The following CAPN15 variants were observed in gnomAD, a reference collection of about 807,000 sequenced individuals.
CAPN15 encodes calpain-15.
A neutral mutation model predicts 97.9 loss-of-function variants in CAPN15; 53 were observed. The ratio of observed to expected loss-of-function variants is 0.54; its 90% CI spans 0.43 to 0.68. The LOEUF is 0.68. CAPN15 is among the 30% of genes least tolerant of loss of function. The pLI is 0.00. For missense variants in CAPN15, 1,592 were observed against 1,589.8 expected (o/e 1.00, Z -0.02); for synonymous variants, 922 against 722.5 (o/e 1.28, Z -4.43).
chr16:530,887 C>T (rs2033201216), intron 1 of CAPN15, among the ~76,000 whole-genome samples: 1 of 152,242 alleles, frequency 6.6e-6, no homozygotes, highest in Admixed American at 6.5e-5. Flanking sequence ...CCCCAGAACT[C>T]ATCCAGGGCA....
Position 548,242 on chromosome 16 carries a change from C to A in CAPN15, c.1404C>A (p.Gly468=). 1 of 1,550,396 alleles carries A rather than the reference C, an allele frequency of 6.4e-7. No individual in the cohort carries two copies. Among genetic ancestry groups the A allele is most frequent in the Non-Finnish European group, 8.7e-7 (1 of 1,149,656 alleles). The change falls in exon 4 of 14, where the codon GGC becomes GGA. Residue 468 remains glycine (G), a synonymous_variant. Coordinates refer to ENST00000219611, the MANE Select transcript of CAPN15 (RefSeq NM_005632.3). ...HVEQRRQTDE[G]EAKALWENIV... ...AGCAGCGGCGGCAGACAGACGAGGGCGAGGCCAAGGCACTCTGGGAGAACA... is the reference window on the plus strand; with the variant it reads ...AGCAGCGGCGGCAGACAGACGAGGGAGAGGCCAAGGCACTCTGGGAGAACA...
chr16:547,128 C>A lies in CAPN15; in HGVS notation c.290C>A (p.Pro97His). 4 of 1,564,176 alleles carry A rather than the reference C, an allele frequency of 2.6e-6. No individual in the cohort carries two copies. Among genetic ancestry groups the A allele is most frequent in the South Asian group, 1.2e-5 (1 of 84,484 alleles). The change falls in exon 4 of 14, where the codon CCC becomes CAC. Residue 97 changes from proline (P) to histidine (H), a missense_variant. Physicochemically the swap from Pro to His is moderately conservative, Grantham distance 77 (BLOSUM62 -2). This residue lies in a region of CAPN15 where 883 missense variants were observed against 776.6 expected (regional missense o/e 1.14). Coordinates refer to ENST00000219611, the MANE Select transcript of CAPN15 (RefSeq NM_005632.3). The stretch of plus-strand genomic sequence containing the variant: ...AAGCCACCCGCCATCCTGGGGGAGC[C>A]CAAGGGCAGCTGCCAGGAGGAAGCA... ...LPKPPAILGE[P>H]KGSCQEEAGP... is the part of the protein sequence containing the mutation.
intron 6 of CAPN15, 38 bp downstream of exon 6, chr16:549,509 C>T: frequency 6.5e-7 from 1 of 1,548,172 alleles, no homozygotes; most frequent in Non-Finnish European, 8.7e-7. Flanking sequence ...GCGGCAGGGG[C>T]AGCCTCTGAC....
intron 3 of CAPN15, chr16:540,270 C>G (rs572863085): frequency 2.0e-6 from 2 of 985,492 alleles, no homozygotes; most frequent in Non-Finnish European, 2.4e-6. Flanking sequence ...ACCCGGGTCC[C>G]CCGGCAGCGG....
At position 552,421 on chromosome 16, in the gene CAPN15, C is replaced by T; in HGVS notation, c.2628C>T (p.Val876=). 1 of 1,609,892 alleles carries T rather than the reference C, an allele frequency of 6.2e-7. No individual in the cohort carries two copies. Among genetic ancestry groups the T allele is most frequent in the Non-Finnish European group, 8.5e-7 (1 of 1,179,616 alleles). The change falls in exon 11 of 14, where the codon GTC becomes GTT. Residue 876 remains valine, a synonymous_variant. Transcript: ENST00000219611. This position sits in a 1 kb window ranked among gnomAD's most constrained non-coding sequence, Gnocchi z 6.4. Reference sequence around the variant, plus strand: ...TCCTGGCCCACAGTAAGCGCGCGGTCAAGAAGTTCGTCAGCTGCGACGTCA... The same window carrying T: ...TCCTGGCCCACAGTAAGCGCGCGGTTAAGAAGTTCGTCAGCTGCGACGTCA... ...GRLLAHSKRA[V]KKFVSCDVML...
In CAPN15 at chr16:535,731, C is replaced by T. The variant is rs867783452; in HGVS notation, c.-136-298C>T. On this transcript the variant is annotated intron_variant, in intron 2 of 13. Transcript: ENST00000219611. The surrounding 1 kb of genome is among the most constrained non-coding windows in gnomAD (Gnocchi z 6.2). ...TGAGTCACGGCCACTCTTGAGGCGC[C>T]GCCCTGAGAGTCAGCCCTGTGGTCA... Among the ~76,000 whole-genome samples, 44 of 152,116 alleles carry T rather than the reference C, an allele frequency of 2.9e-4. No individual in the cohort carries two copies. Among genetic ancestry groups the T allele is most frequent in the African/African-American group, 1.1e-3 (44 of 41,424 alleles).
chr16:540,217 G>T, intron 3 of CAPN15: 1 of 985,500 alleles, frequency 1.0e-6, no homozygotes, highest in Non-Finnish European at 1.2e-6. Context: ...CTCCCTGGCC[G>T]CAGAGACCGA....
In CAPN15 at chr16:552,663, G is replaced by A. The variant is rs1174412156; in HGVS notation, c.2796G>A (p.Leu932=). The A allele has an allele frequency of 1.3e-6, 2 of 1,543,116 alleles. No individual in the cohort carries two copies. Among genetic ancestry groups the A allele is most frequent in the East Asian group, 2.4e-5 (1 of 40,844 alleles). The part of the protein sequence containing the change: ...RASPEPPGHV[L]AVYSSRLVMV... ...CCCCAGAGCCGCCGGGCCACGTGCT[G>A]GCTGTGTACAGCTCGAGGCTGGTCA... Residue 932 remains leucine (L), a synonymous_variant, in exon 12 of 14, where the codon CTG becomes CTA. Coordinates refer to ENST00000219611, the MANE Select transcript of CAPN15 (RefSeq NM_005632.3). This position sits in a 1 kb window ranked among gnomAD's most constrained non-coding sequence, Gnocchi z 6.4.
Position 552,680 on chromosome 16 carries a change from G to C in CAPN15, c.2813G>C (p.Arg938Thr). 6.5e-7 allele frequency: 1 copy of C among 1,544,382 alleles called. No homozygotes were observed. Among genetic ancestry groups the C allele is most frequent in the Non-Finnish European group, 8.7e-7 (1 of 1,146,152 alleles). Residue 938 changes from arginine to threonine, a missense_variant, in exon 12 of 14, where the codon AGG (arginine) becomes ACG (threonine). Arg to Thr is a moderately conservative substitution (Grantham distance 71). Transcript: ENST00000219611. This position sits in a 1 kb window ranked among gnomAD's most constrained non-coding sequence, Gnocchi z 6.4. ...PGHVLAVYSSRLVMVEPVEAQ... is the reference protein window; with the variant it reads ...PGHVLAVYSSTLVMVEPVEAQ... The stretch of plus-strand genomic sequence containing the variant: ...CACGTGCTGGCTGTGTACAGCTCGA[G>C]GCTGGTCATGGTGGAGCCCGTGGAA...
At chr16:543,017 C>G (rs982602537) in intron 3 of CAPN15, among the ~76,000 whole-genome samples, 1 of 152,226 alleles carries the variant, frequency 6.6e-6, no homozygotes, top group Admixed American at 6.5e-5. Context: ...CACCACTGCA[C>G]TCCAGTGTGG....
chr16:552,752 G>C lies in CAPN15; in HGVS notation c.2885G>C (p.Ser962Thr). Residue 962 changes from serine to threonine, a missense_variant, in exon 12 of 14, where the codon AGC (serine) becomes ACC (threonine). Coordinates refer to ENST00000219611, the MANE Select transcript of CAPN15 (RefSeq NM_005632.3). The surrounding 1 kb of genome is among the most constrained non-coding windows in gnomAD (Gnocchi z 6.4). ...GACGCCATCATCCTGCTCACCGAGA[G>C]CCGCGGAGAGCGGCACGAGGTGGGT... Reference protein sequence around the residue: ...LADAIILLTESRGERHEGREG... With the variant: ...LADAIILLTETRGERHEGREG... 6.5e-7 allele frequency: 1 copy of C among 1,538,860 alleles called. No homozygotes were observed. Among genetic ancestry groups the C allele is most frequent in the East Asian group, 2.5e-5 (1 of 40,710 alleles).
chr16:552,603 A>C lies in CAPN15; in HGVS notation c.2738-2A>C. On this transcript the variant is annotated splice_acceptor_variant, in intron 11 of 13. Coordinates refer to ENST00000219611, the MANE Select transcript of CAPN15 (RefSeq NM_005632.3). LOFTEE classifies it high-confidence loss of function. This position sits in a 1 kb window ranked among gnomAD's most constrained non-coding sequence, Gnocchi z 6.4. ...CTGCGGTTCACACGCCCGTCCTTGT[A>C]GCCTCCAGCCCCTCGGCAGGGGTCC... 1 of 1,540,672 alleles carries C rather than the reference A, an allele frequency of 6.5e-7. No individual in the cohort carries two copies. Among genetic ancestry groups the C allele is most frequent in the South Asian group, 1.2e-5 (1 of 85,198 alleles).
At position 547,927 on chromosome 16, in the gene CAPN15, C is replaced by T. The variant is rs370070655; in HGVS notation, c.1089C>T (p.Cys363=). Residue 363 remains cysteine (C), a synonymous_variant, in exon 4 of 14, where the codon TGC becomes TGT. Transcript: ENST00000219611. ...NPTVAPRCSA[C]GCSKLHGFQE... is the part of the protein sequence containing the mutation. ...CAGTGGCCCCCAGGTGCTCGGCCTG[C>T]GGCTGCTCCAAACTGCACGGCTTCC... is the stretch of plus-strand genomic sequence containing the variant. 83 of 1,604,710 alleles carry T rather than the reference C, an allele frequency of 5.2e-5. No homozygotes were observed. The highest frequency in any genetic ancestry group is 5.9e-5 in the Non-Finnish European group (69 of 1,176,456).
intron 13 of CAPN15, 120 bp downstream of exon 13, chr16:553,161 G>GCCCC: frequency 2.8e-6 from 1 of 352,578 alleles, no homozygotes. Context: ...CTACCCCGCT[G>GCCCC]CACCCACACC....
chr16:544,707 C>CCTCCCCCACGTCGCCGT (rs2034417334), intron 3 of CAPN15, among the ~76,000 whole-genome samples: 1 of 113,054 alleles, frequency 8.8e-6, no homozygotes, highest in Admixed American at 8.3e-5. Flanking sequence ...CCCCACGTCG[C>CCTCCCCCACGTCGCCGT]CTCCCCCACG....
At position 548,068 on chromosome 16, in the gene CAPN15, C is replaced by A; in HGVS notation, c.1230C>A (p.Pro410=). 4 of 1,542,574 alleles carry A rather than the reference C, an allele frequency of 2.6e-6. No individual in the cohort carries two copies. The highest frequency in any genetic ancestry group is 2.4e-5 in the East Asian group (1 of 41,218). ...CCCAGAAGGCCGCCCGCGTCCTGCC[C>A]GAGCGCCCGGGCCAGTGGGCCTGCC... The part of the protein sequence containing the change: ...SSAQKAARVL[P]ERPGQWACPA... The change falls in exon 4 of 14, where the codon CCC becomes CCA. Residue 410 remains proline, a synonymous_variant. Coordinates refer to ENST00000219611, the MANE Select transcript of CAPN15 (RefSeq NM_005632.3).
At position 547,415 on chromosome 16, in the gene CAPN15, T is replaced by G. The variant is rs1394835680; in HGVS notation, c.577T>G (p.Phe193Val). 6.4e-7 allele frequency: 1 copy of G among 1,573,770 alleles called. No individual in the cohort carries two copies. The highest frequency in any genetic ancestry group is 1.8e-5 in the Admixed American group (1 of 56,876). The change falls in exon 4 of 14, where the codon TTC (phenylalanine) becomes GTC (valine). Residue 193 changes from phenylalanine to valine, a missense_variant. Physicochemically the swap from Phe to Val is conservative, Grantham distance 50. Coordinates refer to ENST00000219611, the MANE Select transcript of CAPN15 (RefSeq NM_005632.3). ...VVPEVVAPAG[F>V]HVVPAAPPPG... The stretch of plus-strand genomic sequence containing the variant: ...CCCGGAAGTGGTGGCCCCGGCCGGC[T>G]TCCACGTCGTGCCTGCCGCGCCTCC...
chr16:547,429 T>C lies in CAPN15; in HGVS notation c.591T>C (p.Pro197=). The C allele has an allele frequency of 6.3e-7, 1 of 1,579,910 alleles. No individual in the cohort carries two copies. The highest frequency in any genetic ancestry group is 8.5e-7 in the Non-Finnish European group (1 of 1,170,570). Residue 197 remains proline, a synonymous_variant, in exon 4 of 14, where the codon CCT becomes CCC. Transcript: ENST00000219611. ...VVAPAGFHVV[P]AAPPPGLPGE... ...CCCCGGCCGGCTTCCACGTCGTGCC[T>C]GCCGCGCCTCCACCTGGCCTCCCCG...
Position 552,144 on chromosome 16 carries a change from G to T in CAPN15, c.2439G>T (p.Val813=), listed in dbSNP as rs531252167. 9.0e-6 allele frequency: 14 copies of T among 1,547,296 alleles called. No individual in the cohort carries two copies. The Admixed American group carries it at 1.2e-4, about 13-fold the overall frequency. Residue 813 remains valine (V), a synonymous_variant, in exon 10 of 14, where the codon GTG becomes GTT. Coordinates refer to ENST00000219611, the MANE Select transcript of CAPN15 (RefSeq NM_005632.3). This position sits in a 1 kb window ranked among gnomAD's most constrained non-coding sequence, Gnocchi z 6.4. ...GCFPSSASAP[V]GVTALTVLER... ...TTCCCAGCTCGGCCAGCGCGCCCGT[G>T]GGGGTAACAGCGCTCACGGTGCTGG...
Sources: allele counts gnomAD v4.1 joint callset (sites outside exome capture counted in the v4.1 genomes callset), GRCh38; gene constraint gnomAD v4.1.1; regional missense constraint gnomAD v4.1.1; non-coding constraint Gnocchi (gnomAD v3.1); transcripts MANE v1.5; gene names NCBI Gene and HGNC (gene_info 2026-07-23, HGNC 2026-07-21).